The following QRICH1 variants were observed in gnomAD, a reference collection of about 807,000 sequenced individuals.
QRICH1 encodes the protein transcriptional regulator QRICH1.
A neutral mutation model predicts 87.1 loss-of-function variants in QRICH1; 16 were observed. The ratio of observed to expected loss-of-function variants is 0.18; its 90% confidence interval spans 0.12 to 0.28. QRICH1 has a LOEUF of 0.28. QRICH1 is among the 10% of genes least tolerant of loss of function. The pLI is 1.00. For synonymous variants in QRICH1, 367 were observed against 368.4 expected, an observed-to-expected ratio of 1.00 and a Z score of 0.05; for missense variants, 647 against 951.7, an observed-to-expected ratio of 0.68 and a Z score of 4.21.
intron 5 of QRICH1, 102 bp from the exon 6 acceptor site, chr3:49,044,606 C>A (rs1448048020): frequency 1.3e-6 from 1 of 769,948 alleles, no homozygotes; most frequent in Admixed American, 2.8e-5. Flanking sequence ...CCTTCCCTAC[C>A]CATTCACACC....
At chr3:49,089,154 G>A (rs1413944905) in intron 1 of QRICH1, among the ~76,000 whole-genome samples, 1 of 151,800 alleles carries the variant, frequency 6.6e-6, no homozygotes, top group African/African-American at 2.4e-5. Context: ...TCCGCCTACA[G>A]GTTCAAGCGA....
At chr3:49,076,510 C>T (rs1436466882) in intron 2 of QRICH1, among the ~76,000 whole-genome samples, 199 bp downstream of exon 2, 1 of 126,844 alleles carries the variant, frequency 7.9e-6, no homozygotes, top group Non-Finnish European at 1.6e-5. Flanking sequence ...CAGTCCTTGA[C>T]ACTGGGGTTT....
intron 3 of QRICH1, among the ~76,000 whole-genome samples, chr3:49,054,725 T>C (rs1245391415): frequency 6.6e-6 from 1 of 152,090 alleles, no homozygotes; most frequent in East Asian, 1.9e-4. Flanking sequence ...GGCAACACAG[T>C]GAGACCCTGT....
chr3:49,061,405 T>C (rs1291854462), intron 2 of QRICH1, among the ~76,000 whole-genome samples: 1 of 152,084 alleles, frequency 6.6e-6, no homozygotes, highest in Non-Finnish European at 1.5e-5. Context: ...CTGATAACAA[T>C]ACAGTTACTG....
chr3:49,052,208 T>C (rs1156446273), intron 3 of QRICH1, among the ~76,000 whole-genome samples: 1 of 152,028 alleles, frequency 6.6e-6, no homozygotes, highest in African/African-American at 2.4e-5. Context: ...GAACTGGTTG[T>C]GGGGAGTAAG....
rs1248175389 is a variant in QRICH1, at chr3:49,094,055, C to G, written c.-165G>C. 5.0e-6 allele frequency: 2 copies of G among 398,662 alleles called. No homozygotes were observed. The highest frequency in any genetic ancestry group is 7.1e-5 in the East Asian group (2 of 28,090). The allele number at this position is 398,662 out of a possible 1,614,324, so 24.7% of individuals were successfully genotyped here. On this transcript the variant is annotated 5_prime_UTR_variant, in exon 1 of 10. Coordinates refer to ENST00000395443, the MANE Select transcript of QRICH1 (RefSeq NM_198880.3). ...AGCTCCCTGGGCGCCATCTTACATT[C>G]AACCCTCACAGCCAATAGGAGCCGA...
intron 6 of QRICH1, among the ~76,000 whole-genome samples, chr3:49,043,568 C>T (rs938948409): frequency 4.6e-5 from 7 of 150,802 alleles, no homozygotes; most frequent in Non-Finnish European, 5.9e-5. Context: ...GTGGCTCACG[C>T]CTGTAATCCC....
intron 1 of QRICH1, among the ~76,000 whole-genome samples, chr3:49,090,715 G>C (rs1351569911): frequency 6.6e-6 from 1 of 151,822 alleles, no homozygotes; most frequent in African/African-American, 2.4e-5. Flanking sequence ...GTTTTGCCCT[G>C]GCCTGAAGAG....
chr3:49,067,559 C>A (rs1477185941), intron 2 of QRICH1, among the ~76,000 whole-genome samples: 2 of 151,476 alleles, frequency 1.3e-5, no homozygotes, highest in Non-Finnish European at 2.9e-5. Context: ...AAGAGCAAAA[C>A]TCTGTCTCGA....
rs151015594 is a variant in QRICH1, at chr3:49,086,110, C to A, written c.-22+7802G>T. On this transcript the variant is annotated intron_variant, in intron 1 of 9. Coordinates refer to ENST00000395443, the MANE Select transcript of QRICH1 (RefSeq NM_198880.3). Reference sequence around the variant, plus strand: ...CTGTAAACAAGCATTTACTTCTAAACGCTTTTAAATATAGCTGCATTGTAA... The same window carrying A: ...CTGTAAACAAGCATTTACTTCTAAAAGCTTTTAAATATAGCTGCATTGTAA... Among the ~76,000 whole-genome samples the A allele has an allele frequency of 7.3e-5, 11 of 150,942 alleles. No individual in the cohort carries two copies. In the East Asian group the frequency reaches 2.1e-3, roughly 29 times the overall value.
intron 2 of QRICH1, among the ~76,000 whole-genome samples, chr3:49,059,662 T>C (rs1454205611): frequency 6.6e-6 from 1 of 151,410 alleles, no homozygotes; most frequent in South Asian, 2.1e-4. Flanking sequence ...GACCTTGTGA[T>C]CCGCTCACCT....
chr3:49,062,239 G>A (rs374853655), intron 2 of QRICH1, among the ~76,000 whole-genome samples: 6 of 151,504 alleles, frequency 4.0e-5, no homozygotes, highest in South Asian at 2.1e-4. Context: ...GAAGGCTGAC[G>A]CAGCAAAATT....
At chr3:49,060,696 G>A (rs867766169) in intron 2 of QRICH1, among the ~76,000 whole-genome samples, 12 of 152,204 alleles carry the variant, frequency 7.9e-5, no homozygotes, top group Non-Finnish European at 1.2e-4. Flanking sequence ...GTCCGTAGGC[G>A]AACGACACAG....
chr3:49,035,076 G>A (rs778395198), intron 6 of QRICH1, among the ~76,000 whole-genome samples: 1 of 152,078 alleles, frequency 6.6e-6, no homozygotes, highest in Non-Finnish European at 1.5e-5. Flanking sequence ...GTGACCCAGT[G>A]GCAATGGGAA....
intron 2 of QRICH1, among the ~76,000 whole-genome samples, chr3:49,072,878 C>T (rs2041869874): frequency 1.3e-5 from 2 of 151,500 alleles, no homozygotes; most frequent in Non-Finnish European, 2.9e-5. Flanking sequence ...TCCATCTCTA[C>T]CAAAAATGAA....
chr3:49,071,213 C>T (rs1469198522), intron 2 of QRICH1, among the ~76,000 whole-genome samples: 4 of 151,852 alleles, frequency 2.6e-5, no homozygotes, highest in African/African-American at 4.8e-5. Context: ...TACAGGCACC[C>T]GCCACCAGGC....
intron 5 of QRICH1, among the ~76,000 whole-genome samples, chr3:49,045,662 TA>T (rs1213976541): frequency 6.6e-6 from 1 of 151,648 alleles, no homozygotes; most frequent in Non-Finnish European, 1.5e-5. Flanking sequence ...TGTAGTGACA[TA>T]ATCATGACTC....
In QRICH1 at chr3:49,034,752, C is replaced by T. The variant is rs528675819; in HGVS notation, c.1787-1524G>A. Among the ~76,000 whole-genome samples the T allele has an allele frequency of 2.8e-4, 42 of 152,330 alleles. No homozygotes were observed. The South Asian group carries it at 7.2e-3, about 26-fold the overall frequency. On this transcript the variant is annotated intron_variant, in intron 6 of 9. Transcript: ENST00000395443. Reference sequence around the variant, plus strand: ...TAAGAGCCCTGGTCAGCCAGGTCTGCACCAAAGAAAGATGACATTTGAATG... The same window carrying T: ...TAAGAGCCCTGGTCAGCCAGGTCTGTACCAAAGAAAGATGACATTTGAATG...
chr3:49,073,394 A>T (rs2041883525), intron 2 of QRICH1, among the ~76,000 whole-genome samples: 1 of 151,762 alleles, frequency 6.6e-6, no homozygotes, highest in African/African-American at 2.4e-5. Flanking sequence ...TACAAAAATT[A>T]GCCGGCACAG....
Sources: allele counts gnomAD v4.1 joint callset (sites outside exome capture counted in the v4.1 genomes callset), GRCh38; gene constraint gnomAD v4.1.1; transcripts MANE v1.5; gene names NCBI Gene and HGNC (gene_info 2026-07-23, HGNC 2026-07-21).